TMEM74: variants seen among roughly 807,000 people sequenced by gnomAD.
TMEM74 encodes the protein transmembrane protein 74.
Under a neutral mutation model 18.1 loss-of-function variants are expected in TMEM74, and 13 were observed. The observed-to-expected ratio is 0.72, with a 90% CI of 0.47 to 1.14. TMEM74 has a LOEUF of 1.14. Ranked by LOEUF, TMEM74 falls within the 50% of genes most tolerant of loss-of-function variation. The probability of loss-of-function intolerance (pLI) is 0.00; values close to 1 mark genes in which losing one functional copy is unlikely to be tolerated. For missense variants in TMEM74, 372 were observed against 375.9 expected (o/e 0.99, Z 0.09); for synonymous variants, 159 against 146.6 (o/e 1.08, Z -0.61).
intron 1 of TMEM74, among the ~76,000 whole-genome samples, chr8:108,736,066 T>C (rs1215189336): frequency 2.6e-5 from 4 of 152,110 alleles, no homozygotes; most frequent in African/African-American, 9.6e-5. Flanking sequence ...AACAACTTTC[T>C]AGTTTGACAT....
intron 2 of TMEM74, among the ~76,000 whole-genome samples, chr8:108,629,686 T>C (rs986904740): frequency 6.6e-6 from 1 of 151,990 alleles, no homozygotes; most frequent in Non-Finnish European, 1.5e-5. Flanking sequence ...CATTCAACAT[T>C]CTTAAATAAA....
Position 108,784,327 on chromosome 8 carries a change from C to A in TMEM74, c.772G>T (p.Glu258Ter), listed in dbSNP as rs777227585. ...CLLMMSMWKGELYRRNRFASS... is the reference protein window; with the variant it reads ...CLLMMSMWKG ...GCAAATCTGTTTCGACGATAGAGCT[C>A]CCCCTTCCACATGGACATCATTAAC... Residue 258 changes from glutamate (E) to a stop codon, truncating the protein, a stop_gained, in exon 2 of 2, where the codon GAG (glutamate) becomes TAG (stop). Coordinates refer to ENST00000297459, the MANE Select transcript of TMEM74 (RefSeq NM_153015.3). LOFTEE classifies it high-confidence loss of function. 4 of 1,613,914 alleles carry A rather than the reference C, an allele frequency of 2.5e-6. No homozygotes were observed. Among genetic ancestry groups the A allele is most frequent in the Non-Finnish European group, 2.5e-6 (3 of 1,180,030 alleles).
At chr8:108,675,747 T>C (rs1483029292) in intron 1 of TMEM74, among the ~76,000 whole-genome samples, 2 of 152,170 alleles carry the variant, frequency 1.3e-5, no homozygotes, top group East Asian at 1.9e-4. Context: ...CAATTAAAAA[T>C]ACATTAGGAA....
At chr8:108,756,460 C>T (rs894065197) in intron 1 of TMEM74, among the ~76,000 whole-genome samples, 1 of 150,354 alleles carries the variant, frequency 6.7e-6, no homozygotes, top group Non-Finnish European at 1.5e-5. Context: ...AATTTTAGCT[C>T]ACCTTAGGTC....
intron 2 of TMEM74, among the ~76,000 whole-genome samples, chr8:108,609,961 A>G: frequency 6.6e-6 from 1 of 152,230 alleles, no homozygotes; most frequent in Non-Finnish European, 1.5e-5. Context: ...CTCAGAACAG[A>G]AGAAGAAAGA....
rs190471282 is a variant in TMEM74 at position 108,733,919 on chromosome 8, A to T, written n.119+53557T>A. On this transcript the variant is annotated intron_variant and non_coding_transcript_variant, in intron 1 of 3. Coordinates refer to the TMEM74 transcript ENST00000518838. ...ACATCAAGCATCATCGCATTTGTTCATTCAGAATTCCAAGCTATTTACAAA... is the reference window on the plus strand; with the variant it reads ...ACATCAAGCATCATCGCATTTGTTCTTTCAGAATTCCAAGCTATTTACAAA... 3.7e-4 allele frequency among the ~76,000 whole-genome samples: 57 copies of T among 152,310 alleles called. 1 individual carries two copies. Among genetic ancestry groups the T allele is most frequent in the Admixed American group, 3.5e-3 (53 of 15,292 alleles).
chr8:108,623,782 C>G (rs975972853), intron 2 of TMEM74, among the ~76,000 whole-genome samples: 2 of 151,958 alleles, frequency 1.3e-5, no homozygotes, highest in Non-Finnish European at 2.9e-5. Context: ...GGATTTTTCT[C>G]TCATGGGACA....
At chr8:108,651,988 C>T (rs532719239) in intron 2 of TMEM74, among the ~76,000 whole-genome samples, 223 of 151,718 alleles carry the variant, frequency 1.5e-3, no homozygotes, top group Middle Eastern at 6.9e-3. Context: ...TTTGCTGACA[C>T]TCTACTAACT....
rs1814295071 is a variant in TMEM74 at position 108,780,733 on chromosome 8, A to C, written c.*3448T>G. The stretch of plus-strand genomic sequence containing the variant: ...AGGGTTATAGCAGTCATGTGGGTAA[A>C]AGCAACCATGGCCTCCAAGAACTTC... On this transcript the variant is annotated 3_prime_UTR_variant, in exon 2 of 2. Transcript: ENST00000297459. Among the ~76,000 whole-genome samples the C allele has an allele frequency of 6.6e-6, 1 of 152,148 alleles. No homozygotes were observed. The highest frequency in any genetic ancestry group is 1.5e-5 in the Non-Finnish European group (1 of 68,016).
chr8:108,785,601 C>A (rs1006051165), intron 1 of TMEM74, among the ~76,000 whole-genome samples: 3 of 152,200 alleles, frequency 2.0e-5, no homozygotes, highest in Non-Finnish European at 4.4e-5. Context: ...AGTGTTTACA[C>A]TCTCCCTAGT....
chr8:108,663,071 C>T (rs1210259047), intron 1 of TMEM74, among the ~76,000 whole-genome samples: 1 of 152,016 alleles, frequency 6.6e-6, no homozygotes, highest in South Asian at 2.1e-4. Context: ...GCAATAGCAA[C>T]AAAAGCAAAA....
At chr8:108,720,991 A>G (rs1813581657) in intron 1 of TMEM74, among the ~76,000 whole-genome samples, 1 of 151,546 alleles carries the variant, frequency 6.6e-6, no homozygotes, top group Admixed American at 6.6e-5. Flanking sequence ...CTGTTTTCAA[A>G]CTCCTGATTT....
intron 1 of TMEM74, among the ~76,000 whole-genome samples, chr8:108,728,976 A>G (rs959551871): frequency 1.3e-5 from 2 of 152,246 alleles, no homozygotes; most frequent in Non-Finnish European, 2.9e-5. Flanking sequence ...TTATAAAGTC[A>G]CTGTATCATT....
chr8:108,690,009 C>T (rs1256599188), intron 1 of TMEM74, among the ~76,000 whole-genome samples: 1 of 152,092 alleles, frequency 6.6e-6, no homozygotes, highest in African/African-American at 2.4e-5. Context: ...TTTTATATGT[C>T]TGTGTCTTTT....
intron 1 of TMEM74, among the ~76,000 whole-genome samples, chr8:108,685,536 G>A (rs1813159434): frequency 6.6e-6 from 1 of 152,040 alleles, no homozygotes; most frequent in African/African-American, 2.4e-5. Flanking sequence ...AAAGAAAAAG[G>A]AAAAACTTAG....
intron 1 of TMEM74, among the ~76,000 whole-genome samples, chr8:108,703,176 A>G (rs1813353915): frequency 6.6e-6 from 1 of 152,204 alleles, no homozygotes; most frequent in Non-Finnish European, 1.5e-5. Flanking sequence ...CAAAGCAATC[A>G]AGGCTACCCT....
intron 1 of TMEM74, among the ~76,000 whole-genome samples, chr8:108,755,260 T>A (rs1813948258): frequency 6.6e-6 from 1 of 152,028 alleles, no homozygotes; most frequent in Non-Finnish European, 1.5e-5. Flanking sequence ...CAGTCAGTAA[T>A]CCAAATGAGA....
intron 2 of TMEM74, among the ~76,000 whole-genome samples, chr8:108,624,583 G>T (rs1415942605): frequency 2.6e-5 from 4 of 151,972 alleles, no homozygotes; most frequent in Admixed American, 1.3e-4. Context: ...TCTTATTTAA[G>T]GTATACATAG....
intron 1 of TMEM74, among the ~76,000 whole-genome samples, chr8:108,725,197 C>T (rs2130634374): frequency 6.6e-6 from 1 of 152,282 alleles, no homozygotes; most frequent in South Asian, 2.1e-4. Context: ...TCTCTGGTTG[C>T]CTAATCCAGA....
Sources: allele counts gnomAD v4.1 joint callset (sites outside exome capture counted in the v4.1 genomes callset), GRCh38; gene constraint gnomAD v4.1.1; transcripts MANE v1.5; gene names NCBI Gene and HGNC (gene_info 2026-07-23, HGNC 2026-07-21).